AACS: variants seen among roughly 807,000 people sequenced by gnomAD.
The protein encoded by AACS is acetoacetyl-CoA synthetase.
In AACS, 69 loss-of-function variants were observed where a neutral mutation model predicts 83.1. The observed-to-expected ratio is 0.83, with a 90% CI of 0.68 to 1.01. The LOEUF (loss-of-function observed/expected upper bound fraction) is 1.01. Ranked by LOEUF, AACS falls within the 50% of genes least tolerant of loss-of-function variation. The pLI, the probability that AACS is intolerant of heterozygous loss-of-function variation, is 0.00. For missense variants in AACS, 866 were observed against 882.2 expected (o/e 0.98, Z 0.23); for synonymous variants, 333 against 343.4 (o/e 0.97, Z 0.33).
chr12:125,095,190 C>G (rs1022841473), intron 5 of AACS, among the ~76,000 whole-genome samples: 1 of 152,156 alleles, frequency 6.6e-6, no homozygotes, highest in Non-Finnish European at 1.5e-5. Context: ...AAGCTGTCCT[C>G]GAGCAGCTCT....
In AACS at chr12:125,124,512, C is replaced by A. The variant is rs547006968; in HGVS notation, c.1122-193C>A. The A allele has an allele frequency of 1.5e-5, 9 of 616,928 alleles. No individual in the cohort carries two copies. The South Asian group carries it at 1.8e-4, about 12-fold the overall frequency. 38.2% of individuals were successfully genotyped at this position (616,928 alleles called of 1,614,324 possible). ...TGCGTGCTGAAATCAGTGTAAAGAG[C>A]AGTCAGGTGCACCTGTGAGGAAGTC... On this transcript the variant is annotated intron_variant, in intron 10 of 17. Coordinates refer to ENST00000316519, the MANE Select transcript of AACS (RefSeq NM_023928.5).
chr12:125,091,418 C>A lies in AACS; in HGVS notation c.473-8C>A. 6.2e-7 allele frequency: 1 copy of A among 1,614,050 alleles called. No homozygotes were observed. On this transcript the variant is annotated splice_polypyrimidine_tract_variant and splice_region_variant and intron_variant, in intron 4 of 17. Transcript: ENST00000316519. ...AACCCAAGGCTTCTTCCTATGTTTT[C>A]TCCACAGGTTATTTACCCAACAGTG...
At chr12:125,095,251 C>A (rs1956582636) in intron 5 of AACS, among the ~76,000 whole-genome samples, 1 of 152,186 alleles carries the variant, frequency 6.6e-6, no homozygotes, top group Non-Finnish European at 1.5e-5. Flanking sequence ...AGATCTTGAT[C>A]CCTGCTGGTC....
At position 125,065,606 on chromosome 12, in the gene AACS, G is replaced by C. The variant is rs940294475; in HGVS notation, c.22G>C (p.Gly8Arg). The change falls in exon 1 of 18, where the codon GGT (glycine) becomes CGT (arginine). Residue 8 changes from glycine (G) to arginine (R), a missense_variant. Transcript: ENST00000316519. ...CGCCATGTCCAAGGAGGAGCGCCCC[G>C]GTCGGGAGGAGATCCTGGAGTGCCA... MSKEERP[G>R]REEILECQVM... 1 of 1,497,710 alleles carries C rather than the reference G, an allele frequency of 6.7e-7. No individual in the cohort carries two copies. The highest frequency in any genetic ancestry group is 1.2e-5 in the South Asian group (1 of 81,364). 92.8% of individuals were successfully genotyped at this position (1,497,710 alleles called of 1,614,324 possible).
chr12:125,125,859 C>A (rs1025855851), intron 12 of AACS: 1 of 151,860 alleles, frequency 6.6e-6, no homozygotes, highest in African/African-American at 2.4e-5. Context: ...TTACAAGGTG[C>A]GGTCATTTTT....
chr12:125,129,494 C>G lies in AACS; in HGVS notation c.1549+34C>G, dbSNP rs1236809712. 1 of 1,604,986 alleles carries G rather than the reference C, an allele frequency of 6.2e-7. No individual in the cohort carries two copies. The highest frequency in any genetic ancestry group is 1.1e-5 in the South Asian group (1 of 89,280). ...GAGAGATGCAGACAGAGCTGGCCAG[C>G]CTCTGCCTTGGCTGGGCCTTCTGTG... On this transcript the variant is annotated intron_variant, in intron 14 of 17. Transcript: ENST00000316519. The surrounding 1 kb of genome is among the most constrained non-coding windows in gnomAD (Gnocchi z 4.3).
At chr12:125,122,322 G>A (rs989858850) in intron 10 of AACS, 1 of 152,118 alleles carries the variant, frequency 6.6e-6, no homozygotes, top group African/African-American at 2.4e-5. Flanking sequence ...GGAGAACACT[G>A]ATCTGGTTCA....
intron 9 of AACS, among the ~76,000 whole-genome samples, chr12:125,116,469 T>A (rs1957054253): frequency 1.3e-5 from 2 of 152,118 alleles, no homozygotes; most frequent in Non-Finnish European, 2.9e-5. Flanking sequence ...TTTATTTTAT[T>A]GTTTTATTTT....
In AACS at chr12:125,142,497, C is replaced by T. The variant is rs1403399522; in HGVS notation, c.*268C>T. 11 of 477,736 alleles carry T rather than the reference C, an allele frequency of 2.3e-5. No homozygotes were observed. In the East Asian group the frequency reaches 4.1e-4, roughly 18 times the overall value. 29.6% of individuals were successfully genotyped at this position (477,736 alleles called of 1,614,324 possible). ...TGGTGAGAGTGTGTGTCTTTGCACA[C>T]ACAGTGCAGCGGGAACGGTGGGGCT... On this transcript the variant is annotated 3_prime_UTR_variant, in exon 18 of 18. Coordinates refer to ENST00000316519, the MANE Select transcript of AACS (RefSeq NM_023928.5).
chr12:125,112,445 CCAAGGTGGGCAGATCA>C (rs1565944369), intron 8 of AACS, among the ~76,000 whole-genome samples: 3 of 151,948 alleles, frequency 2.0e-5, no homozygotes, highest in Non-Finnish European at 4.4e-5. Flanking sequence ...TTTTGGGAGG[CCAAGGTGGGCAGATCA>C]CAAGGTAAAG....
At chr12:125,133,024 C>CCGGAT (rs1957348682) in intron 14 of AACS, among the ~76,000 whole-genome samples, 1 of 152,206 alleles carries the variant, frequency 6.6e-6, no homozygotes, top group African/African-American at 2.4e-5. Flanking sequence ...TTTTCCCTTC[C>CCGGAT]CGGATCGCAG....
At chr12:125,114,942 G>A (rs1957029560) in intron 9 of AACS, among the ~76,000 whole-genome samples, 1 of 152,060 alleles carries the variant, frequency 6.6e-6, no homozygotes, top group Admixed American at 6.5e-5. Context: ...TTCCCCGGGC[G>A]CCGGCCTGTG....
intron 10 of AACS, chr12:125,121,358 G>A (rs753002361): frequency 6.6e-6 from 1 of 152,280 alleles, no homozygotes; most frequent in Non-Finnish European, 1.5e-5. Context: ...TGTAACAGTT[G>A]AAAGCAGTCA....
chr12:125,107,212 A>G lies in AACS; in HGVS notation c.859A>G (p.Ile287Val), dbSNP rs774553529. 36 of 1,614,088 alleles carry G rather than the reference A, an allele frequency of 2.2e-5. No individual in the cohort carries two copies. The Middle Eastern group carries it at 6.6e-4, about 30-fold the overall frequency. The stretch of plus-strand genomic sequence containing the variant: ...GCTGCCCTTCAGCCACCCACTGTTC[A>G]TCATGTTCTCATCGGGCACCACGGG... ...EQLPFSHPLF[I>V]MFSSGTTGAP... Residue 287 changes from isoleucine (I) to valine (V), a missense_variant, in exon 8 of 18, where the codon ATC (isoleucine) becomes GTC (valine). Coordinates refer to ENST00000316519, the MANE Select transcript of AACS (RefSeq NM_023928.5).
chr12:125,071,871 G>T (rs1274589895), intron 1 of AACS, among the ~76,000 whole-genome samples: 1 of 145,852 alleles, frequency 6.9e-6, no homozygotes, highest in Non-Finnish European at 1.5e-5. Context: ...TTTGGTTGTT[G>T]TTGTTGACAG....
chr12:125,091,408 C>CAGAAAA lies in AACS; in HGVS notation c.473-18_473-17insAGAAAA. ...ATACACCCTGAACCCAAGGCTTCTT[C>CAGAAAA]CTATGTTTTCTCCACAGGTTATTTA... On this transcript the variant is annotated splice_polypyrimidine_tract_variant and intron_variant, in intron 4 of 17. Coordinates refer to ENST00000316519, the MANE Select transcript of AACS (RefSeq NM_023928.5). 1.2e-6 allele frequency: 2 copies of CAGAAAA among 1,613,798 alleles called. No homozygotes were observed. The highest frequency in any genetic ancestry group is 1.7e-6 in the Non-Finnish European group (2 of 1,179,694).
At chr12:125,087,491 CGAA>C (rs1956365819) in intron 4 of AACS, among the ~76,000 whole-genome samples, 1 of 152,174 alleles carries the variant, frequency 6.6e-6, no homozygotes, top group Non-Finnish European at 1.5e-5. Context: ...CAGGTGCAGA[CGAA>C]GGAGATTTAT....
At chr12:125,119,353 C>T (rs980334950) in intron 10 of AACS, among the ~76,000 whole-genome samples, 5 of 152,176 alleles carry the variant, frequency 3.3e-5, no homozygotes, top group African/African-American at 4.8e-5. Context: ...AACCGAGGGT[C>T]GCCTAGAGTC....
chr12:125,081,725 A>G (rs1956190677), intron 3 of AACS, among the ~76,000 whole-genome samples: 1 of 152,194 alleles, frequency 6.6e-6, no homozygotes, highest in Admixed American at 6.5e-5. Flanking sequence ...TTGCTTTTGA[A>G]GAGTAGCTAT....
Sources: gnomAD v4.1 joint callset for allele counts (sites outside exome capture counted in the v4.1 genomes callset) on GRCh38, gnomAD v4.1.1 for gene constraint, Gnocchi (gnomAD v3.1) non-coding constraint, MANE v1.5 for transcripts, NCBI Gene and HGNC (gene_info 2026-07-23, HGNC 2026-07-21) for gene names.